RNLS: variants seen among roughly 807,000 people sequenced by gnomAD.
The protein encoded by RNLS is renalase.
Under a neutral mutation model 39.8 loss-of-function variants are expected in RNLS, and 39 were observed. That is an observed-to-expected ratio of 0.98 (90% CI 0.76 to 1.28). The LOEUF (loss-of-function observed/expected upper bound fraction) is 1.28. RNLS is among the 50% of genes most tolerant of loss of function. RNLS has a pLI of 0.00. For synonymous variants in RNLS, 147 were observed against 150.7 expected (o/e 0.98, Z 0.18); for missense variants, 410 against 413.3 (o/e 0.99, Z 0.07).
the RNLS span, among the ~76,000 whole-genome samples, chr10:88,200,412 T>C: frequency 6.6e-6 from 1 of 152,180 alleles, no homozygotes; most frequent in Non-Finnish European, 1.5e-5. Context: ...TCCTTACCTA[T>C]GAGGTCCAAG....
At chr10:88,474,523 C>A (rs1000734648) in intron 4 of RNLS, among the ~76,000 whole-genome samples, 39 of 152,286 alleles carry the variant, frequency 2.6e-4, no homozygotes, top group African/African-American at 9.1e-4. Context: ...GGTGACTCTC[C>A]TAGTTCACAG....
intron 4 of RNLS, among the ~76,000 whole-genome samples, chr10:88,492,859 C>T (rs1844962947): frequency 6.6e-6 from 1 of 151,904 alleles, no homozygotes; most frequent in Non-Finnish European, 1.5e-5. Context: ...AGCAGAATGA[C>T]CAAACTTAGA....
At chr10:88,241,579 C>G in the RNLS span, among the ~76,000 whole-genome samples, 1 of 152,016 alleles carries the variant, frequency 6.6e-6, no homozygotes, top group Non-Finnish European at 1.5e-5. Flanking sequence ...TTTTTTGAAA[C>G]AACCAGCTTT....
intron 5 of RNLS, among the ~76,000 whole-genome samples, chr10:88,342,700 C>T (rs973243918): frequency 1.3e-5 from 2 of 152,006 alleles, no homozygotes; most frequent in African/African-American, 4.8e-5. Flanking sequence ...TAAATTAGGA[C>T]TTCAGGAATG....
At chr10:88,443,543 G>T (rs980282362) in intron 4 of RNLS, among the ~76,000 whole-genome samples, 2 of 152,218 alleles carry the variant, frequency 1.3e-5, no homozygotes, top group Admixed American at 1.3e-4. Flanking sequence ...AGTGCAAGGG[G>T]TCAGGGAATT....
the RNLS span, among the ~76,000 whole-genome samples, chr10:88,246,464 C>T: frequency 6.6e-6 from 1 of 152,076 alleles, no homozygotes; most frequent in Non-Finnish European, 1.5e-5. Context: ...CCATCCTTCA[C>T]TACTTCTGGC....
At chr10:88,437,107 A>C (rs1168738174) in intron 4 of RNLS, among the ~76,000 whole-genome samples, 2 of 152,248 alleles carry the variant, frequency 1.3e-5, no homozygotes, top group Non-Finnish European at 2.9e-5. Flanking sequence ...TGCCTGAAAA[A>C]TACTAGCTAT....
At chr10:88,552,599 A>G (rs1003593174) in intron 4 of RNLS, among the ~76,000 whole-genome samples, 18 of 152,160 alleles carry the variant, frequency 1.2e-4, no homozygotes, top group Non-Finnish European at 1.9e-4. Context: ...TTATAAATCT[A>G]TTGTCTGATA....
At chr10:88,582,570 AAAT>A (rs1275140541) in intron 1 of RNLS, among the ~76,000 whole-genome samples, 1 of 152,242 alleles carries the variant, frequency 6.6e-6, no homozygotes, top group Non-Finnish European at 1.5e-5. Flanking sequence ...ATGTCAGAAT[AAAT>A]GAGTCAACTA....
the RNLS span, among the ~76,000 whole-genome samples, chr10:88,217,947 A>G: frequency 3.9e-5 from 6 of 152,054 alleles, no homozygotes; most frequent in Non-Finnish European, 8.8e-5. Context: ...GGCTGAGGTG[A>G]GAGAATCGCT....
intron 6 of RNLS, among the ~76,000 whole-genome samples, chr10:88,301,394 T>C (rs551783728): frequency 5.3e-5 from 8 of 152,326 alleles, no homozygotes; most frequent in East Asian, 1.9e-4. Flanking sequence ...ATGCTTATGA[T>C]TGACACCTGT....
rs143928375 is a variant in RNLS at position 88,482,297 on chromosome 10, G to A, written c.526+90606C>T. ...TTACGTCTATGTTGGTACACTCAATGTTGTCCCACTGCTCTGCAAGGCTCT... is the reference window on the plus strand; with the variant it reads ...TTACGTCTATGTTGGTACACTCAATATTGTCCCACTGCTCTGCAAGGCTCT... On this transcript the variant is annotated intron_variant, in intron 4 of 6. Coordinates refer to ENST00000331772, the MANE Select transcript of RNLS (RefSeq NM_001031709.3). 4.9e-3 allele frequency among the ~76,000 whole-genome samples: 742 copies of A among 152,136 alleles called. 1 individual carries two copies. The highest frequency in any genetic ancestry group is 0.017 in the Middle Eastern group (5 of 294).
the RNLS span, among the ~76,000 whole-genome samples, chr10:88,186,116 C>T: frequency 2.0e-5 from 3 of 152,102 alleles, no homozygotes; most frequent in African/African-American, 7.2e-5. Flanking sequence ...TATTTTCTAG[C>T]TTAATCAGCA....
intron 4 of RNLS, among the ~76,000 whole-genome samples, chr10:88,535,408 C>T (rs1847689374): frequency 6.7e-6 from 1 of 149,842 alleles, no homozygotes; most frequent in Non-Finnish European, 1.5e-5. Context: ...ACTTATTATA[C>T]AGAAGGTTTT....
chr10:88,212,715 T>A, the RNLS span, among the ~76,000 whole-genome samples: 1 of 152,174 alleles, frequency 6.6e-6, no homozygotes, highest in Non-Finnish European at 1.5e-5. Context: ...TAAGCACACC[T>A]TAGCACCTGG....
At chr10:88,338,296 C>A (rs1847658520) in intron 5 of RNLS, among the ~76,000 whole-genome samples, 1 of 152,216 alleles carries the variant, frequency 6.6e-6, no homozygotes, top group Non-Finnish European at 1.5e-5. Flanking sequence ...GAATTTTAGG[C>A]CTTCACTTCC....
At chr10:88,334,483 C>A (rs576282283) in intron 5 of RNLS, among the ~76,000 whole-genome samples, 2 of 152,274 alleles carry the variant, frequency 1.3e-5, no homozygotes, top group East Asian at 3.9e-4. Context: ...ATTTGAAAAA[C>A]CAACCTATCA....
the RNLS span, among the ~76,000 whole-genome samples, chr10:88,171,531 T>C: frequency 6.6e-6 from 1 of 152,240 alleles, no homozygotes; most frequent in East Asian, 1.9e-4. Context: ...TCTCCTGATA[T>C]CCAGATCGTT....
chr10:88,361,551 T>C (rs1849643242), intron 5 of RNLS, among the ~76,000 whole-genome samples: 1 of 152,222 alleles, frequency 6.6e-6, no homozygotes, highest in African/African-American at 2.4e-5. Flanking sequence ...GAACTGCTGA[T>C]TGTACATATA....
Sources: gnomAD v4.1 joint callset for allele counts (sites outside exome capture counted in the v4.1 genomes callset) on GRCh38, gnomAD v4.1.1 for gene constraint, MANE v1.5 for transcripts, NCBI Gene and HGNC (gene_info 2026-07-23, HGNC 2026-07-21) for gene names.